ARHGAP11B: variants seen among roughly 807,000 people sequenced by gnomAD.
ARHGAP11B encodes Rho GTPase activating protein 11B, also known as inactive Rho GTPase-activating protein 11B.
In ARHGAP11B, 14 loss-of-function variants were observed where a neutral mutation model predicts 27.6. The ratio of observed to expected loss-of-function variants is 0.51; its 90% CI spans 0.34 to 0.79. The LOEUF is 0.79. Among genes scored for constraint, ARHGAP11B ranks in the 30% least tolerant of loss-of-function variants. The pLI is 0.02. For missense variants in ARHGAP11B, 245 were observed against 320.1 expected (o/e 0.77, Z 1.79); for synonymous variants, 82 against 114.1 (o/e 0.72, Z 1.80).
chr15:30,644,595 A>G (rs542434199), intron 7 of ARHGAP11B: 18 of 1,242,790 alleles, frequency 1.4e-5, no homozygotes, highest in South Asian at 1.1e-4. Context: ...AGACATATCA[A>G]TCTCAAAAAT....
intron 9 of ARHGAP11B, among the ~76,000 whole-genome samples, chr15:30,647,320 C>G (rs771637913): frequency 3.3e-5 from 5 of 151,792 alleles, no homozygotes; most frequent in Admixed American, 2.6e-4. Context: ...GAGGTGTTTT[C>G]TGTAGTGGGC....
intron 7 of ARHGAP11B, among the ~76,000 whole-genome samples, chr15:30,643,734 T>A (rs1245092455): frequency 6.6e-6 from 1 of 152,156 alleles, no homozygotes; most frequent in East Asian, 1.9e-4. Flanking sequence ...GATTATGAGA[T>A]TAGAATGGGA....
At chr15:30,645,692 A>T (rs1351445180) in intron 8 of ARHGAP11B, among the ~76,000 whole-genome samples, 2 of 151,920 alleles carry the variant, frequency 1.3e-5, no homozygotes, top group African/African-American at 4.8e-5. Context: ...CTATCATGTT[A>T]TCCTCGTTAT....
chr15:30,644,214 T>C (rs2060332067), intron 7 of ARHGAP11B, among the ~76,000 whole-genome samples: 1 of 152,080 alleles, frequency 6.6e-6, no homozygotes, highest in Admixed American at 6.6e-5. Context: ...GTTTATCAAA[T>C]GTTTGTCTCA....
intron 3 of ARHGAP11B, 88 bp downstream of exon 3, chr15:30,633,674 A>C: frequency 8.3e-6 from 9 of 1,084,940 alleles, no homozygotes; most frequent in Non-Finnish European, 1.0e-5. Flanking sequence ...TATTAATATG[A>C]ATAGTTGACA....
At chr15:30,639,991 T>TGTGTGC (rs1406250029) in intron 7 of ARHGAP11B, among the ~76,000 whole-genome samples, 19 of 151,542 alleles carry the variant, frequency 1.3e-4, no homozygotes, top group African/African-American at 4.6e-4. Flanking sequence ...TGTGTGTGTG[T>TGTGTGC]GTGTGTGTGT....
In ARHGAP11B at chr15:30,644,809, T is replaced by C. The variant is rs1175631048; in HGVS notation, c.*142+107T>C. The C allele has an allele frequency of 2.9e-6, 3 of 1,021,942 alleles. No homozygotes were observed. In the African/African-American group the frequency reaches 4.9e-5, roughly 17 times the overall value. 63.3% of individuals were successfully genotyped at this position (1,021,942 alleles called of 1,614,324 possible). ...TTGTATGTGAATAACTAAATTTATT[T>C]TGTCTTGACAATTGGTTATATTCTT... On this transcript the variant is annotated intron_variant, in intron 8 of 10. Coordinates refer to ENST00000428041, the Ensembl canonical transcript of ARHGAP11B.
intron 1 of ARHGAP11B, among the ~76,000 whole-genome samples, chr15:30,628,892 A>T (rs2060225978): frequency 6.6e-6 from 1 of 152,022 alleles, no homozygotes; most frequent in South Asian, 2.1e-4. Flanking sequence ...TTAAGGAAAA[A>T]AACACGCTGA....
At chr15:30,644,456 A>T (rs536701367) in intron 7 of ARHGAP11B, among the ~76,000 whole-genome samples, 17 of 152,158 alleles carry the variant, frequency 1.1e-4, no homozygotes, top group Middle Eastern at 3.4e-3. Context: ...ATGATTTTTT[A>T]AAATAAATTA....
At chr15:30,633,759 TG>T (rs1384478114) in intron 3 of ARHGAP11B, among the ~76,000 whole-genome samples, 173 bp downstream of exon 3, 3 of 151,866 alleles carry the variant, frequency 2.0e-5, no homozygotes, top group African/African-American at 4.8e-5. Flanking sequence ...ATTTCTATCG[TG>T]CTTTAAAAAT....
At position 30,641,083 on chromosome 15, in the gene ARHGAP11B, TC is replaced by T. The variant is rs2060312349; in HGVS notation, c.*78+2264del. Among the ~76,000 whole-genome samples, 6 of 151,954 alleles carry T rather than the reference TC, an allele frequency of 3.9e-5. No individual in the cohort carries two copies. The South Asian group carries it at 1.2e-3, about 31-fold the overall frequency. Reference sequence around the variant, plus strand: ...CAAAACAGAGGTTAAACAGTCTTGTTCTATTTTTAGTTTGAGCTTGCCTAAT... The same window carrying T: ...CAAAACAGAGGTTAAACAGTCTTGTTTATTTTTAGTTTGAGCTTGCCTAAT... On this transcript the variant is annotated intron_variant, in intron 7 of 10. Coordinates refer to ENST00000428041, the Ensembl canonical transcript of ARHGAP11B.
intron 4 of ARHGAP11B, 122 bp from the exon 5 acceptor site, chr15:30,634,958 G>A (rs1434296876): frequency 2.0e-6 from 2 of 991,660 alleles, no homozygotes; most frequent in African/African-American, 3.3e-5. Context: ...GTAGATGAAG[G>A]GTAACTATTT....
intron 6 of ARHGAP11B, among the ~76,000 whole-genome samples, chr15:30,637,791 C>T (rs2060290270): frequency 6.6e-6 from 1 of 150,402 alleles, no homozygotes; most frequent in Non-Finnish European, 1.5e-5. Flanking sequence ...CTTGAATCTA[C>T]CCTACATATT....
At chr15:30,626,863 C>A in exon 1 of ARHGAP11B, 1 of 1,613,682 alleles carries the variant, frequency 6.2e-7, no homozygotes, top group South Asian at 1.1e-5. Flanking sequence ...GTTGCAGCAT[C>A]TGCGGGCCTT....
chr15:30,632,436 A>G (rs2060251848), intron 2 of ARHGAP11B, among the ~76,000 whole-genome samples: 1 of 151,944 alleles, frequency 6.6e-6, no homozygotes, highest in Non-Finnish European at 1.5e-5. Flanking sequence ...AGAAAAAAAA[A>G]AAGCAGATTT....
chr15:30,637,101 C>T (rs545761481), intron 6 of ARHGAP11B, among the ~76,000 whole-genome samples: 1 of 151,824 alleles, frequency 6.6e-6, no homozygotes, highest in African/African-American at 2.4e-5. Flanking sequence ...TCAGTTATCA[C>T]CAGTCCTGTA....
intron 7 of ARHGAP11B, chr15:30,641,478 G>A (rs2060315110): frequency 6.6e-6 from 1 of 151,500 alleles, no homozygotes; most frequent in Non-Finnish European, 1.5e-5. Context: ...TGGGATTATA[G>A]GTGGCCACCA....
exon 11 of ARHGAP11B, chr15:30,649,160 C>T (rs1263152769): frequency 6.6e-6 from 1 of 152,086 alleles, no homozygotes; most frequent in Admixed American, 6.6e-5. Context: ...TATTTTTCCT[C>T]TGCTTTTAAG....
intron 1 of ARHGAP11B, among the ~76,000 whole-genome samples, chr15:30,627,484 A>G (rs572630894): frequency 4.1e-4 from 63 of 152,220 alleles, no homozygotes; most frequent in African/African-American, 1.3e-3. Context: ...AACATTAGAA[A>G]TAGGCTTCAA....
Sources: gnomAD v4.1 joint callset for allele counts (sites outside exome capture counted in the v4.1 genomes callset) on GRCh38, gnomAD v4.1.1 for gene constraint, MANE v1.5 for transcripts, NCBI Gene and HGNC (gene_info 2026-07-23, HGNC 2026-07-21) for gene names.